Variants in DCAF4 observed in about 807,000 individuals in gnomAD.
DCAF4 encodes DDB1- and CUL4-associated factor 4.
In DCAF4, 37 loss-of-function variants were observed where a neutral mutation model predicts 60.9. The observed-to-expected ratio is 0.61, with a 90% CI of 0.47 to 0.80. The LOEUF (loss-of-function observed/expected upper bound fraction) is 0.80, where lower values mean the gene tolerates loss of function less well. Among genes scored for constraint, DCAF4 ranks in the 30% least tolerant of loss-of-function variants. The pLI is 0.00. For synonymous variants in DCAF4, 243 were observed against 254.8 expected (o/e 0.95, Z 0.44); for missense variants, 577 against 650.0 (o/e 0.89, Z 1.22).
Position 72,946,021 on chromosome 14 carries a change from C to T in DCAF4, c.672C>T (p.Asn224=), listed in dbSNP as rs1470407673. The change falls in exon 7 of 14, where the codon AAC becomes AAT. Residue 224 remains asparagine, a synonymous_variant. Coordinates refer to ENST00000358377, the MANE Select transcript of DCAF4 (RefSeq NM_015604.4). ...TGCACGAAAACCTCTACTTCACCAA[C>T]CGGAAGGTACGTTGCCCATCCCTGT... ...VFMHENLYFT[N]RKVNSVCWAS... is the part of the protein sequence containing the mutation. 1.9e-6 allele frequency: 3 copies of T among 1,613,850 alleles called. No individual in the cohort carries two copies. The highest frequency in any genetic ancestry group is 3.3e-5 in the Admixed American group (2 of 60,004).
chr14:72,955,914 C>CTTTTTTTTTTTTTTTTTTT (rs71109770), intron 12 of DCAF4, among the ~76,000 whole-genome samples: 4 of 54,768 alleles, frequency 7.3e-5, no homozygotes, highest in African/African-American at 2.9e-4. Context: ...TGGTTATGTC[C>CTTTTTTTTTTTTTTTTTTT]TTTTTTTTTT....
At chr14:72,928,093 C>T (rs1887878881) in intron 1 of DCAF4, among the ~76,000 whole-genome samples, 1 of 150,368 alleles carries the variant, frequency 6.7e-6, no homozygotes, top group South Asian at 2.1e-4. Context: ...GAGCCACCGC[C>T]CTGGCCTGTA....
rs1162740224 is a variant in DCAF4, at chr14:72,945,871, T to A, written c.535-13T>A. 1 of 1,614,084 alleles carries A rather than the reference T, an allele frequency of 6.2e-7. No homozygotes were observed. On this transcript the variant is annotated splice_polypyrimidine_tract_variant and intron_variant, in intron 6 of 13. Transcript: ENST00000358377. ...GCCTGGGACGTCACCCACTGCCCCCTTCCCTTCTCCAGGCAGATACCAACA... is the reference window on the plus strand; with the variant it reads ...GCCTGGGACGTCACCCACTGCCCCCATCCCTTCTCCAGGCAGATACCAACA...
chr14:72,945,268 C>G (rs964969172), intron 6 of DCAF4, among the ~76,000 whole-genome samples: 1 of 152,010 alleles, frequency 6.6e-6, no homozygotes, highest in African/African-American at 2.4e-5. Context: ...TGGTTCATGC[C>G]TGTAGTCCTA....
At chr14:72,944,098 T>C (rs902853433) in intron 6 of DCAF4, among the ~76,000 whole-genome samples, 3 of 152,028 alleles carry the variant, frequency 2.0e-5, no homozygotes, top group Non-Finnish European at 2.9e-5. Flanking sequence ...TGGGGGTCAT[T>C]GGTGTGTGGG....
In DCAF4 at chr14:72,954,366, C is replaced by A. The variant is rs1186982206; in HGVS notation, c.908-20C>A. 2 of 1,613,846 alleles carry A rather than the reference C, an allele frequency of 1.2e-6. No individual in the cohort carries two copies. ...ACTACATGTGACATAATCTTACCAG[C>A]CCATCTCTGTCTCCGCCAGGCTTGT... On this transcript the variant is annotated intron_variant, in intron 10 of 13. Transcript: ENST00000358377.
chr14:72,937,410 C>CT (rs11288108), intron 1 of DCAF4, among the ~76,000 whole-genome samples: 33,324 of 105,648 alleles, frequency 0.32, 5,988 homozygotes, highest in Admixed American at 0.48. Context: ...TTTTTCTTTT[C>CT]TTTTTTTTTT....
At chr14:72,932,228 C>A (rs1182265996) in intron 1 of DCAF4, among the ~76,000 whole-genome samples, 1 of 151,966 alleles carries the variant, frequency 6.6e-6, no homozygotes, top group Non-Finnish European at 1.5e-5. Flanking sequence ...TGACCTCAGG[C>A]GATCTGCCTG....
intron 13 of DCAF4, 159 bp downstream of exon 13, chr14:72,956,659 T>C: frequency 1.6e-6 from 1 of 630,770 alleles, no homozygotes; most frequent in South Asian, 1.7e-5. Context: ...GAAGTAGAAT[T>C]AGATTATATT....
chr14:72,929,535 A>G (rs1888229222), intron 1 of DCAF4: 1 of 811,862 alleles, frequency 1.2e-6, no homozygotes, highest in Non-Finnish European at 2.0e-6. Flanking sequence ...CCCCGTCTCT[A>G]CAAAAATATT....
At chr14:72,929,717 C>G (rs1276338351) in intron 1 of DCAF4, 1 of 1,213,222 alleles carries the variant, frequency 8.2e-7, no homozygotes, top group Non-Finnish European at 1.2e-6. Context: ...TCTTGATGAA[C>G]TTGAGGGCCC....
At chr14:72,952,527 T>C (rs1356513140) in intron 9 of DCAF4, among the ~76,000 whole-genome samples, 1 of 152,094 alleles carries the variant, frequency 6.6e-6, no homozygotes, top group Non-Finnish European at 1.5e-5. Context: ...TTACCACCAT[T>C]TTACAGATAA....
chr14:72,929,109 G>A (rs1403792655), intron 1 of DCAF4, among the ~76,000 whole-genome samples: 2 of 152,042 alleles, frequency 1.3e-5, no homozygotes, highest in Non-Finnish European at 2.9e-5. Flanking sequence ...TGGGTGTAGC[G>A]CACCCCGCCC....
intron 2 of DCAF4, among the ~76,000 whole-genome samples, chr14:72,939,201 A>T (rs1034726198): frequency 6.6e-6 from 1 of 152,104 alleles, no homozygotes; most frequent in Non-Finnish European, 1.5e-5. Flanking sequence ...TAAAAATATA[A>T]AAATTATCTG....
At chr14:72,955,914 C>CTTTTTTTTTTTTTTTTT (rs71109770) in intron 12 of DCAF4, among the ~76,000 whole-genome samples, 8 of 54,726 alleles carry the variant, frequency 1.5e-4, no homozygotes, top group African/African-American at 5.7e-4. Flanking sequence ...TGGTTATGTC[C>CTTTTTTTTTTTTTTTTT]TTTTTTTTTT....
chr14:72,940,560 C>A, intron 4 of DCAF4, 183 bp downstream of exon 4: 2 of 495,314 alleles, frequency 4.0e-6, no homozygotes, highest in Non-Finnish European at 6.8e-6. Flanking sequence ...GAGCCCCCTT[C>A]TTCCATCCCC....
chr14:72,929,021 C>G (rs1015749759), intron 1 of DCAF4, among the ~76,000 whole-genome samples: 1 of 152,146 alleles, frequency 6.6e-6, no homozygotes, highest in Non-Finnish European at 1.5e-5. Flanking sequence ...TGCCATCCCC[C>G]ACACTTGGCT....
downstream of DCAF4, chr14:72,962,034 T>G (rs1425003330): frequency 9.3e-7 from 1 of 1,076,854 alleles, no homozygotes; most frequent in Non-Finnish European, 1.2e-6. Context: ...CAACCTGAAT[T>G]TCTAAGACAG....
chr14:72,961,939 C>T, downstream of DCAF4: 1 of 1,146,278 alleles, frequency 8.7e-7, no homozygotes, highest in African/African-American at 1.7e-5. Flanking sequence ...CGGGAACACC[C>T]CAGCTCTCCG....
Sources: allele counts gnomAD v4.1 joint callset (sites outside exome capture counted in the v4.1 genomes callset), GRCh38; gene constraint gnomAD v4.1.1; transcripts MANE v1.5; gene names NCBI Gene and HGNC (gene_info 2026-07-23, HGNC 2026-07-21).